SERPINI1: variants seen among roughly 807,000 people sequenced by gnomAD.
The protein encoded by SERPINI1 is neuroserpin.
A neutral mutation model predicts 41.1 loss-of-function variants in SERPINI1; 19 were observed. The observed-to-expected ratio is 0.46, with a 90% CI of 0.32 to 0.68. The LOEUF (loss-of-function observed/expected upper bound fraction) is 0.68, where lower values mean the gene tolerates loss of function less well. Among genes scored for constraint, SERPINI1 ranks in the 30% least tolerant of loss-of-function variants. The pLI is 0.03. For synonymous variants in SERPINI1, 138 were observed against 156.6 expected (o/e 0.88, Z 0.89); for missense variants, 460 against 479.2 (o/e 0.96, Z 0.37).
chr3:167,784,088 C>T (rs939699865), intron 1 of SERPINI1, among the ~76,000 whole-genome samples: 2 of 152,066 alleles, frequency 1.3e-5, no homozygotes, highest in African/African-American at 4.8e-5. Context: ...TCCCATTTTC[C>T]CCAGTAAGAA....
chr3:167,798,816 G>A (rs574762684), intron 5 of SERPINI1, among the ~76,000 whole-genome samples: 3 of 152,174 alleles, frequency 2.0e-5, no homozygotes, highest in Admixed American at 2.0e-4. Flanking sequence ...AGATGGCAAT[G>A]ACAGACACTG....
chr3:167,816,017 A>G (rs1161535166), intron 6 of SERPINI1, among the ~76,000 whole-genome samples: 1 of 152,058 alleles, frequency 6.6e-6, no homozygotes, highest in East Asian at 1.9e-4. Context: ...TTATTGTCTT[A>G]TGTTTTATTT....
chr3:167,774,926 C>CA (rs1308956715), intron 1 of SERPINI1, among the ~76,000 whole-genome samples: 2 of 152,026 alleles, frequency 1.3e-5, no homozygotes, highest in African/African-American at 4.8e-5. Flanking sequence ...GAGAGAGACA[C>CA]AGAATCCAAA....
intron 4 of SERPINI1, among the ~76,000 whole-genome samples, chr3:167,793,665 A>G (rs1727608322): frequency 6.6e-6 from 1 of 150,816 alleles, no homozygotes; most frequent in Non-Finnish European, 1.5e-5. Flanking sequence ...AAGGAGGAAG[A>G]TCACTTGAGC....
At chr3:167,772,881 TATATATATATATACACACACACACAC>T (rs1461546756) in intron 1 of SERPINI1, among the ~76,000 whole-genome samples, 2 of 68,716 alleles carry the variant, frequency 2.9e-5, no homozygotes, top group African/African-American at 1.3e-4. Context: ...TATATATATA[TATATATATATATACACACACACACAC>T]ACACACACAC....
intron 1 of SERPINI1, among the ~76,000 whole-genome samples, chr3:167,744,779 T>C (rs1725806317): frequency 8.9e-6 from 1 of 112,352 alleles, no homozygotes; most frequent in Non-Finnish European, 1.8e-5. Flanking sequence ...ATATTATATA[T>C]AACTATGGTT....
chr3:167,743,887 G>T (rs1479878005), intron 1 of SERPINI1, among the ~76,000 whole-genome samples: 1 of 152,012 alleles, frequency 6.6e-6, no homozygotes, highest in East Asian at 1.9e-4. Flanking sequence ...CTGGTATGTT[G>T]GTTAATTGCA....
chr3:167,815,307 G>C (rs1712040837), intron 6 of SERPINI1, among the ~76,000 whole-genome samples: 1 of 152,058 alleles, frequency 6.6e-6, no homozygotes, highest in Non-Finnish European at 1.5e-5. Flanking sequence ...GAGACTGCTT[G>C]AAGTTTGTCT....
At position 167,773,272 on chromosome 3, in the gene SERPINI1, T is replaced by A. The variant is rs186913962; in HGVS notation, c.-18-15839T>A. Among the ~76,000 whole-genome samples, 6 of 152,212 alleles carry A rather than the reference T, an allele frequency of 3.9e-5. No individual in the cohort carries two copies. The East Asian group carries it at 1.2e-3, about 29-fold the overall frequency. ...TTAAGCTGCTATGTAAGCAGCTTGA[T>A]AAGAGACAGTTTCCTGTTAGTGAGG... On this transcript the variant is annotated intron_variant, in intron 1 of 8. Transcript: ENST00000446050.
intron 1 of SERPINI1, among the ~76,000 whole-genome samples, chr3:167,784,618 A>G (rs1289692954): frequency 6.6e-6 from 1 of 152,202 alleles, no homozygotes; most frequent in Non-Finnish European, 1.5e-5. Context: ...ACTTCTTCAC[A>G]GGGTGGCAGG....
rs937381835 is a variant in SERPINI1 at position 167,822,922 on chromosome 3, A to G, written c.980-64A>G. ...CTTAGATCTCTAAAATCCATTTAACAAAAGGGCAAAATATTTTCCTATCTC... is the reference window on the plus strand; with the variant it reads ...CTTAGATCTCTAAAATCCATTTAACGAAAGGGCAAAATATTTTCCTATCTC... On this transcript the variant is annotated intron_variant, in intron 6 of 8. Transcript: ENST00000446050. 1.9e-5 allele frequency: 18 copies of G among 924,596 alleles called. No individual in the cohort carries two copies. The African/African-American group carries it at 2.6e-4, about 13-fold the overall frequency. 57.3% of individuals were successfully genotyped at this position (924,596 alleles called of 1,614,324 possible). A position where few individuals can be genotyped will look rare whatever the true frequency, so the allele number is the denominator to read the frequency against.
At chr3:167,774,037 G>GT (rs1015983498) in intron 1 of SERPINI1, among the ~76,000 whole-genome samples, 4 of 148,780 alleles carry the variant, frequency 2.7e-5, no homozygotes, top group Non-Finnish European at 5.9e-5. Context: ...TCTACCACAA[G>GT]TTTTTTTCTA....
intron 1 of SERPINI1, among the ~76,000 whole-genome samples, chr3:167,746,708 ACTT>A (rs1725872053): frequency 6.6e-6 from 1 of 152,368 alleles, no homozygotes; most frequent in Admixed American, 6.5e-5. Flanking sequence ...GTGAGCTACT[ACTT>A]CACACAAACT....
chr3:167,810,418 C>T (rs1711830112), intron 6 of SERPINI1, among the ~76,000 whole-genome samples: 1 of 151,994 alleles, frequency 6.6e-6, no homozygotes, highest in African/African-American at 2.4e-5. Flanking sequence ...AGTGAATATT[C>T]CAATAAAATG....
At chr3:167,796,345 A>AT (rs555080037) in intron 5 of SERPINI1, among the ~76,000 whole-genome samples, 1 of 151,744 alleles carries the variant, frequency 6.6e-6, no homozygotes, top group East Asian at 1.9e-4. Context: ...TATATTTTCT[A>AT]TTTTTTATAT....
At chr3:167,794,583 T>C in intron 4 of SERPINI1, 37 bp from the exon 5 acceptor site, 1 of 1,583,628 alleles carries the variant, frequency 6.3e-7, no homozygotes, top group Non-Finnish European at 8.7e-7. Context: ...TTTTAAGCTT[T>C]GATAGGCATC....
chr3:167,800,297 G>A (rs545763631), intron 5 of SERPINI1, among the ~76,000 whole-genome samples: 2 of 152,202 alleles, frequency 1.3e-5, no homozygotes, highest in South Asian at 4.1e-4. Flanking sequence ...AAGCACTTAA[G>A]TATAAAATCT....
intron 1 of SERPINI1, among the ~76,000 whole-genome samples, chr3:167,771,759 C>T (rs1487018098): frequency 1.4e-4 from 22 of 152,228 alleles, no homozygotes. Context: ...ATGTCATCCA[C>T]ACTTAAGGAG....
intron 1 of SERPINI1, among the ~76,000 whole-genome samples, chr3:167,763,438 G>A (rs766518484): frequency 1.7e-4 from 26 of 151,128 alleles, no homozygotes; most frequent in South Asian, 6.3e-4. Context: ...CAAGTGTAGC[G>A]GTGTGATCTT....
Sources: gnomAD v4.1 joint callset for allele counts (sites outside exome capture counted in the v4.1 genomes callset) on GRCh38, gnomAD v4.1.1 for gene constraint, MANE v1.5 for transcripts, NCBI Gene and HGNC (gene_info 2026-07-23, HGNC 2026-07-21) for gene names.